COL1A2: variants seen among roughly 807,000 people sequenced by gnomAD.
COL1A2 encodes the protein collagen alpha-2(I) chain.
A neutral mutation model predicts 174.3 loss-of-function variants in COL1A2; 49 were observed. The ratio of observed to expected loss-of-function variants is 0.28; its 90% CI spans 0.22 to 0.36. COL1A2 has a LOEUF of 0.36. COL1A2 is among the 10% of genes least tolerant of loss of function. The pLI is 1.00. For missense variants in COL1A2, 1,438 were observed against 1,822.7 expected (o/e 0.79, Z 3.84); for synonymous variants, 655 against 606.6 (o/e 1.08, Z -1.17).
In COL1A2 at chr7:94,430,577, A is replaced by C; in HGVS notation, c.*184A>C. The stretch of plus-strand genomic sequence containing the variant: ...AGCATTGTGCAATACAGTTTCATTA[A>C]CTCCTTCCCCCGCTCCCCCAAAAAT... On this transcript the variant is annotated 3_prime_UTR_variant, in exon 52 of 52. Transcript: ENST00000297268. 1 of 646,996 alleles carries C rather than the reference A, an allele frequency of 1.5e-6. No homozygotes were observed. Among genetic ancestry groups the C allele is most frequent in the Non-Finnish European group, 2.6e-6 (1 of 390,508 alleles). 40.1% of individuals were successfully genotyped at this position (646,996 alleles called of 1,614,324 possible).
At chr7:94,429,108 C>CTTTTTTT in intron 50 of COL1A2, 80 bp from the exon 51 acceptor site, 2 of 815,866 alleles carry the variant, frequency 2.5e-6, no homozygotes, top group Non-Finnish European at 3.6e-6. Context: ...CTTTTTTTTT[C>CTTTTTTT]TTTTTTTTTT....
chr7:94,421,020 TC>T lies in COL1A2; in HGVS notation c.2313del (p.Gly772ValfsTer14). 1.2e-6 allele frequency: 2 copies of T among 1,613,994 alleles called. No individual in the cohort carries two copies. ...TTGTTTGCATTTAGGGTCCAAATGG[TC>T]CCCCCGGTCCTGCTGGAAGTCGTGG... ...GAAGPAGPNG[P>X]PGPAGSRGDG... On this transcript the variant is annotated frameshift_variant, in exon 38 of 52. Coordinates refer to ENST00000297268, the MANE Select transcript of COL1A2 (RefSeq NM_000089.4). LOFTEE classifies it high-confidence loss of function.
rs1406983079 is a variant in COL1A2 at position 94,426,449 on chromosome 7, G to A, written c.3024G>A (p.Lys1008=). ...PSGPQGIRGD[K]GEPGEKGPRG... is the part of the protein sequence containing the mutation. ...GCCCACAAGGCATTCGTGGCGATAA[G>A]GGAGAGCCCGGTGAAAAGGGGCCCA... Residue 1008 remains lysine (K), a synonymous_variant, in exon 46 of 52, where the codon AAG becomes AAA. Transcript: ENST00000297268. 1.2e-6 allele frequency: 2 copies of A among 1,604,636 alleles called. No homozygotes were observed. Among genetic ancestry groups the A allele is most frequent in the East Asian group, 2.2e-5 (1 of 44,560 alleles).
At chr7:94,415,378 C>T (rs944815333) in intron 30 of COL1A2, 108 bp downstream of exon 30, 1 of 935,088 alleles carries the variant, frequency 1.1e-6, no homozygotes, top group Admixed American at 1.7e-5. Flanking sequence ...CTCTGATGCT[C>T]TTCTATAGTC....
chr7:94,395,125 G>A (rs768796844), intron 1 of COL1A2, 24 bp downstream of exon 1: 2 of 1,607,464 alleles, frequency 1.2e-6, no homozygotes, highest in Admixed American at 3.3e-5. Context: ...GCTTGTTTGG[G>A]GGAGACTGGG....
rs1251145042 is a variant in COL1A2 at position 94,420,218 on chromosome 7, T to G, written c.2080-15T>G. ...GTCAGGCACATTAACAGATTCATCT[T>G]TGGTCCCATTATAGGGCGAAGCTGG... On this transcript the variant is annotated splice_polypyrimidine_tract_variant and intron_variant, in intron 34 of 51. Transcript: ENST00000297268. 4 of 1,612,906 alleles carry G rather than the reference T, an allele frequency of 2.5e-6. No homozygotes were observed. Among genetic ancestry groups the G allele is most frequent in the Non-Finnish European group, 3.4e-6 (4 of 1,180,044 alleles).
In COL1A2 at chr7:94,427,779, G is replaced by A; in HGVS notation, c.3420G>A (p.Lys1140=). Residue 1140 remains lysine (K), a synonymous_variant, in exon 49 of 52, where the codon AAG becomes AAA. Coordinates refer to ENST00000297268, the MANE Select transcript of COL1A2 (RefSeq NM_000089.4). The part of the protein sequence containing the change: ...PKDYEVDATL[K]SLNNQIETLL... ...ACTATGAAGTTGATGCTACTCTGAA[G>A]TCTCTCAACAACCAGATTGAGACCC... The A allele has an allele frequency of 6.2e-7, 1 of 1,614,124 alleles. No homozygotes were observed. The highest frequency in any genetic ancestry group is 8.5e-7 in the Non-Finnish European group (1 of 1,180,034).
intron 28 of COL1A2, 27 bp from the exon 29 acceptor site, chr7:94,414,195 G>A (rs924072391): frequency 1.2e-6 from 2 of 1,613,502 alleles, no homozygotes; most frequent in Non-Finnish European, 1.7e-6. Context: ...CCATGGGATT[G>A]AGATTTGTAT....
At chr7:94,423,868 T>C (rs561379193) in intron 40 of COL1A2, 1 of 187,256 alleles carries the variant, frequency 5.3e-6, no homozygotes, top group Non-Finnish European at 1.1e-5. Context: ...GTGCTGGGAT[T>C]ACACATGTGA....
chr7:94,405,006 C>A, intron 9 of COL1A2, 114 bp downstream of exon 9: 1 of 1,249,404 alleles, frequency 8.0e-7, no homozygotes, highest in Non-Finnish European at 1.2e-6. Flanking sequence ...CCTGACAGAA[C>A]TCTTAATGTA....
chr7:94,419,838 A>T (rs1443591417), intron 34 of COL1A2, among the ~76,000 whole-genome samples: 2 of 152,188 alleles, frequency 1.3e-5, no homozygotes, highest in African/African-American at 4.8e-5. Flanking sequence ...AGGCTTCTCA[A>T]AGCCTTCAAT....
chr7:94,428,432 C>T lies in COL1A2; in HGVS notation c.3666C>T (p.Asp1222=). ...PAKNWYRSSK[D]KKHVWLGETI... Reference sequence around the variant, plus strand: ...AGAACTGGTATAGGAGCTCCAAGGACAAGAAACACGTCTGGCTAGGAGAAA... The same window carrying T: ...AGAACTGGTATAGGAGCTCCAAGGATAAGAAACACGTCTGGCTAGGAGAAA... The change falls in exon 50 of 52, where the codon GAC becomes GAT. Residue 1222 remains aspartate, a synonymous_variant. Transcript: ENST00000297268. The T allele has an allele frequency of 6.2e-7, 1 of 1,614,118 alleles. No individual in the cohort carries two copies. The highest frequency in any genetic ancestry group is 1.3e-5 in the African/African-American group (1 of 75,048).
chr7:94,411,234 C>T (rs1421163510), intron 23 of COL1A2, 80 bp downstream of exon 23: 7 of 1,120,568 alleles, frequency 6.2e-6, no homozygotes, highest in African/African-American at 1.5e-5. Flanking sequence ...TTGAAGATAA[C>T]AATAAAAACA....
chr7:94,418,674 C>T (rs545099739), intron 33 of COL1A2, 122 bp downstream of exon 33: 18 of 770,004 alleles, frequency 2.3e-5, no homozygotes, highest in Middle Eastern at 3.3e-4. Context: ...AAATAATATT[C>T]CTTTCTCTCC....
intron 13 of COL1A2, 86 bp from the exon 14 acceptor site, chr7:94,408,097 G>T (rs1791839208): frequency 1.4e-6 from 2 of 1,421,808 alleles, no homozygotes; most frequent in East Asian, 4.7e-5. Flanking sequence ...TTCTTGTACA[G>T]GTTGGAAACT....
In COL1A2 at chr7:94,412,654, T is replaced by A. The variant is rs761529493; in HGVS notation, c.1475T>A (p.Ile492Asn). 6.2e-7 allele frequency: 1 copy of A among 1,614,112 alleles called. No individual in the cohort carries two copies. The highest frequency in any genetic ancestry group is 1.7e-5 in the Admixed American group (1 of 60,006). Residue 492 changes from isoleucine (I) to asparagine (N), a missense_variant, in exon 25 of 52, where the codon ATT becomes AAT. By Grantham distance (149) the Ile-to-Asn change is moderately radical (BLOSUM62 -3). Around this residue, in one of 3 missense-constraint regions of COL1A2, gnomAD observed 867 missense variants for 1,213.7 expected, o/e 0.71. Transcript: ENST00000297268. The part of the protein sequence containing the change: ...PAGARGEPGN[I>N]GFPGPKGPTG... ...GGAGCAAGAGGAGAGCCTGGCAACA[T>A]TGGATTCCCTGGACCCAAAGGCCCC...
intron 23 of COL1A2, among the ~76,000 whole-genome samples, chr7:94,411,475 C>T (rs1178290950): frequency 6.6e-6 from 1 of 152,120 alleles, no homozygotes; most frequent in Non-Finnish European, 1.5e-5. Context: ...ATAAGGTGTT[C>T]ATGAAATATA....
At position 94,417,915 on chromosome 7, in the gene COL1A2, G is replaced by T; in HGVS notation, c.1971+84G>T. 9 of 1,129,372 alleles carry T rather than the reference G, an allele frequency of 8.0e-6. No homozygotes were observed. In the South Asian group the frequency reaches 1.2e-4, roughly 15 times the overall value. The allele number at this position is 1,129,372 out of a possible 1,614,324, so 70.0% of individuals were successfully genotyped here. A position where few individuals can be genotyped will look rare whatever the true frequency, so the allele number is the denominator to read the frequency against. The stretch of plus-strand genomic sequence containing the variant: ...GGATGCCCAAGTTTTCACAATTCTT[G>T]GCAGGTGGTCTGGTAGCATTTTCAT... On this transcript the variant is annotated intron_variant, in intron 32 of 51. Transcript: ENST00000297268.
Position 94,410,765 on chromosome 7 carries a change from G to T in COL1A2, c.1198-124G>T, listed in dbSNP as rs1191179200. ...TGAATTCCTCTAGGGGTTGGGTGAA[G>T]TGTTTTGGCTTGGTTTGTGTCTGTA... On this transcript the variant is annotated intron_variant, in intron 21 of 51. Transcript: ENST00000297268. The T allele has an allele frequency of 3.7e-6, 4 of 1,091,304 alleles. No individual in the cohort carries two copies. The African/African-American group carries it at 6.2e-5, about 17-fold the overall frequency. The allele number at this position is 1,091,304 out of a possible 1,614,324, so 67.6% of individuals were successfully genotyped here.
Sources: gnomAD v4.1 joint callset for allele counts (sites outside exome capture counted in the v4.1 genomes callset) on GRCh38, gnomAD v4.1.1 for gene constraint, gnomAD v4.1.1 regional missense constraint, MANE v1.5 for transcripts, NCBI Gene and HGNC (gene_info 2026-07-23, HGNC 2026-07-21) for gene names.